Variants in PPARGC1A observed in about 807,000 individuals in gnomAD.
PPARGC1A encodes the protein peroxisome proliferator-activated receptor gamma coactivator 1-alpha.
In PPARGC1A, 25 loss-of-function variants were observed where a neutral mutation model predicts 88.7. The ratio of observed to expected loss-of-function variants is 0.28; its 90% confidence interval spans 0.21 to 0.39. PPARGC1A has a LOEUF of 0.39. Ranked by LOEUF, PPARGC1A falls within the 10% of genes least tolerant of loss-of-function variation. The pLI is 1.00. For synonymous variants in PPARGC1A, 363 were observed against 355.6 expected, an observed-to-expected ratio of 1.02 and a Z score of -0.24; for missense variants, 880 against 968.7, an observed-to-expected ratio of 0.91 and a Z score of 1.22.
At chr4:23,970,194 G>T in the PPARGC1A span, among the ~76,000 whole-genome samples, 1 of 152,244 alleles carries the variant, frequency 6.6e-6, no homozygotes, top group East Asian at 1.9e-4. Context: ...GAGGACTGAG[G>T]AAACATATGA....
the PPARGC1A span, among the ~76,000 whole-genome samples, chr4:24,138,626 A>T: frequency 6.6e-6 from 1 of 152,148 alleles, no homozygotes; most frequent in South Asian, 2.1e-4. Flanking sequence ...CTGAAGTCTT[A>T]GCAAGCCTAA....
the PPARGC1A span, among the ~76,000 whole-genome samples, chr4:23,982,761 A>C: frequency 2.6e-5 from 4 of 152,288 alleles, no homozygotes; most frequent in East Asian, 7.7e-4. Context: ...TGGGATTAAA[A>C]CACTCACATG....
the PPARGC1A span, among the ~76,000 whole-genome samples, chr4:24,280,048 C>T: frequency 3.1e-4 from 47 of 152,272 alleles, no homozygotes; most frequent in African/African-American, 8.9e-4. Flanking sequence ...CCACACATCC[C>T]GCCCCCTTTC....
the PPARGC1A span, among the ~76,000 whole-genome samples, chr4:24,210,831 C>T: frequency 1.3e-5 from 2 of 152,206 alleles, no homozygotes; most frequent in African/African-American, 2.4e-5. Flanking sequence ...GCGCCTTCAA[C>T]GGAGGGCACT....
upstream of PPARGC1A, among the ~76,000 whole-genome samples, chr4:23,907,656 G>A (rs1720206580): frequency 6.6e-6 from 1 of 152,226 alleles, no homozygotes; most frequent in African/African-American, 2.4e-5. Context: ...AGAGGACTAA[G>A]TAAATGGTTG....
At chr4:24,015,166 A>T in the PPARGC1A span, among the ~76,000 whole-genome samples, 2 of 152,120 alleles carry the variant, frequency 1.3e-5, no homozygotes, top group African/African-American at 4.8e-5. Flanking sequence ...TAGATGATAT[A>T]CAGTCATAAA....
At chr4:24,226,055 C>T in the PPARGC1A span, among the ~76,000 whole-genome samples, 9 of 152,228 alleles carry the variant, frequency 5.9e-5, no homozygotes, top group South Asian at 4.2e-4. Flanking sequence ...TGTTTCCACG[C>T]GCTCACATTG....
chr4:24,277,268 G>A, the PPARGC1A span, among the ~76,000 whole-genome samples: 8 of 151,886 alleles, frequency 5.3e-5, no homozygotes, highest in African/African-American at 1.2e-4. Flanking sequence ...TTATAGAGAC[G>A]GGGTTTCGCC....
chr4:24,242,585 G>A, the PPARGC1A span, among the ~76,000 whole-genome samples: 20 of 152,220 alleles, frequency 1.3e-4, no homozygotes, highest in Non-Finnish European at 1.5e-5. Flanking sequence ...TTTATCCTAG[G>A]TTGTCTTCTC....
the PPARGC1A span, among the ~76,000 whole-genome samples, chr4:24,361,969 A>G: frequency 6.6e-6 from 1 of 152,244 alleles, no homozygotes; most frequent in Non-Finnish European, 1.5e-5. Context: ...ATAAAGACAA[A>G]AAGATAAACT....
chr4:23,864,702 T>C (rs752789968), intron 2 of PPARGC1A, among the ~76,000 whole-genome samples: 1 of 152,220 alleles, frequency 6.6e-6, no homozygotes, highest in Non-Finnish European at 1.5e-5. Context: ...TGGTTTCTGA[T>C]CCCTGGGAGC....
chr4:23,831,807 C>G (rs1435945343), intron 2 of PPARGC1A, 56 bp from the exon 3 acceptor site: 1 of 1,416,698 alleles, frequency 7.1e-7, no homozygotes, highest in Non-Finnish European at 9.9e-7. Flanking sequence ...GCAGGTAACA[C>G]TATGCATCAA....
At chr4:24,360,703 T>G in the PPARGC1A span, among the ~76,000 whole-genome samples, 2 of 152,202 alleles carry the variant, frequency 1.3e-5, no homozygotes, top group South Asian at 4.1e-4. Flanking sequence ...AGTGCCTGAT[T>G]CTGCCTGAGA....
At chr4:24,461,050 A>T in the PPARGC1A span, among the ~76,000 whole-genome samples, 1 of 152,104 alleles carries the variant, frequency 6.6e-6, no homozygotes, top group Non-Finnish European at 1.5e-5. Flanking sequence ...CAGCCTCCCT[A>T]GTAGCTGAGA....
intron 10 of PPARGC1A, among the ~76,000 whole-genome samples, chr4:23,807,415 CCTG>C (rs1279914265): frequency 3.9e-5 from 6 of 151,990 alleles, no homozygotes; most frequent in Non-Finnish European, 8.8e-5. Context: ...TGCTACTATC[CCTG>C]CTTAGTGTCT....
chr4:24,041,429 G>A, the PPARGC1A span, among the ~76,000 whole-genome samples: 3 of 152,112 alleles, frequency 2.0e-5, no homozygotes, highest in Non-Finnish European at 2.9e-5. Flanking sequence ...TTCAGGTCCA[G>A]GTGGTCCTGG....
chr4:23,836,768 C>T (rs186472224), intron 2 of PPARGC1A, among the ~76,000 whole-genome samples: 1 of 152,260 alleles, frequency 6.6e-6, no homozygotes, highest in Non-Finnish European at 1.5e-5. Flanking sequence ...TTTGGGTCTT[C>T]TTCCTTTGTG....
At chr4:23,919,786 C>A in the PPARGC1A span, among the ~76,000 whole-genome samples, 8 of 152,166 alleles carry the variant, frequency 5.3e-5, no homozygotes, top group Non-Finnish European at 2.9e-5. Flanking sequence ...CTTTTTCATG[C>A]ACAGATAAAG....
At chr4:24,149,067 C>T in the PPARGC1A span, among the ~76,000 whole-genome samples, 2 of 151,678 alleles carry the variant, frequency 1.3e-5, no homozygotes, top group African/African-American at 2.4e-5. Context: ...TATTACTATA[C>T]TTATTTGTAA....
Sources: allele counts gnomAD v4.1 joint callset (sites outside exome capture counted in the v4.1 genomes callset), GRCh38; gene constraint gnomAD v4.1.1; transcripts MANE v1.5; gene names NCBI Gene and HGNC (gene_info 2026-07-23, HGNC 2026-07-21).